The following LDB2 variants were observed in gnomAD, a reference collection of about 807,000 sequenced individuals.
LDB2 encodes LIM domain binding 2.
A neutral mutation model predicts 44.3 loss-of-function variants in LDB2; 12 were observed. The observed-to-expected ratio is 0.27, with a 90% CI of 0.17 to 0.44. The LOEUF is 0.44. Among genes scored for constraint, LDB2 ranks in the 20% least tolerant of loss-of-function variants. The pLI is 1.00. For synonymous variants in LDB2, 164 were observed against 174.8 expected (o/e 0.94, Z 0.49); for missense variants, 344 against 473.5 (o/e 0.73, Z 2.54).
At chr4:16,754,747 G>A (rs284209) in intron 2 of LDB2, among the ~76,000 whole-genome samples, 112,004 of 151,976 alleles carry the variant, frequency 0.74, 44,023 homozygotes, top group South Asian at 0.9. Flanking sequence ...GGTCAGGCTG[G>A]TCTTGGACTC....
At chr4:16,702,146 A>G (rs1054768732) in intron 2 of LDB2, among the ~76,000 whole-genome samples, 1 of 152,208 alleles carries the variant, frequency 6.6e-6, no homozygotes, top group Non-Finnish European at 1.5e-5. Flanking sequence ...TGAAACAAAG[A>G]CCAAAGTTCC....
chr4:16,649,469 T>C (rs1043317990), intron 2 of LDB2, among the ~76,000 whole-genome samples: 28 of 152,214 alleles, frequency 1.8e-4, no homozygotes, highest in African/African-American at 6.3e-4. Flanking sequence ...CAAAGCAGCA[T>C]AGCCATTACA....
intron 2 of LDB2, among the ~76,000 whole-genome samples, chr4:16,756,658 A>T (rs1016479169): frequency 1.3e-5 from 2 of 152,158 alleles, no homozygotes; most frequent in Non-Finnish European, 2.9e-5. Flanking sequence ...ACAAATATTT[A>T]TTGAGCTACC....
At chr4:16,559,968 T>C (rs1332606220) in intron 5 of LDB2, among the ~76,000 whole-genome samples, 1 of 152,188 alleles carries the variant, frequency 6.6e-6, no homozygotes, top group Non-Finnish European at 1.5e-5. Context: ...GAATGACTAC[T>C]GGGTACATAA....
intron 1 of LDB2, among the ~76,000 whole-genome samples, chr4:16,868,947 T>C (rs1715611548): frequency 6.6e-6 from 1 of 152,068 alleles, no homozygotes; most frequent in Non-Finnish European, 1.5e-5. Flanking sequence ...ATGATGCCGG[T>C]GATGAGAATG....
chr4:16,794,582 A>G (rs1776371149), intron 1 of LDB2, among the ~76,000 whole-genome samples: 1 of 152,136 alleles, frequency 6.6e-6, no homozygotes, highest in African/African-American at 2.4e-5. Flanking sequence ...CTGTACCTCA[A>G]TCTCTTCATT....
chr4:16,850,377 A>T (rs2110178107), intron 1 of LDB2, among the ~76,000 whole-genome samples: 1 of 152,310 alleles, frequency 6.6e-6, no homozygotes, highest in Middle Eastern at 3.4e-3. Flanking sequence ...TGCAAAAAAA[A>T]AATTTGATGG....
intron 1 of LDB2, among the ~76,000 whole-genome samples, chr4:16,782,498 G>A (rs1773507013): frequency 6.6e-6 from 1 of 151,976 alleles, no homozygotes; most frequent in African/African-American, 2.4e-5. Context: ...TTACAGGTGT[G>A]TGCCACCACA....
At chr4:16,737,552 A>G (rs1194790399) in intron 2 of LDB2, among the ~76,000 whole-genome samples, 1 of 152,238 alleles carries the variant, frequency 6.6e-6, no homozygotes. Context: ...ATAATATTCA[A>G]TGACAGGAAG....
At chr4:16,790,914 T>TCCAG (rs61128315) in intron 1 of LDB2, among the ~76,000 whole-genome samples, 118,066 of 151,740 alleles carry the variant, frequency 0.78, 48,017 homozygotes, top group South Asian at 0.92. Context: ...CAGTAGGCAA[T>TCCAG]CCAGGACTTA....
intron 2 of LDB2, among the ~76,000 whole-genome samples, chr4:16,601,813 A>G (rs1013759527): frequency 6.6e-6 from 1 of 152,174 alleles, no homozygotes; most frequent in Non-Finnish European, 1.5e-5. Context: ...GAAATCAGTA[A>G]ATGCATTATG....
At position 16,682,408 on chromosome 4, in the gene LDB2, A is replaced by G. The variant is rs1174578106; in HGVS notation, c.235+76750T>C. 3.3e-4 allele frequency among the ~76,000 whole-genome samples: 51 copies of G among 152,254 alleles called. 1 individual carries two copies. The highest frequency in any genetic ancestry group is 3.2e-3 in the Admixed American group (49 of 15,288). On this transcript the variant is annotated intron_variant, in intron 2 of 7. Transcript: ENST00000304523. Reference sequence around the variant, plus strand: ...CAGCTGGCTCCTCCCTCATTTACCAACTGAACGCTCTGCCTCCTCACAGCC... The same window carrying G: ...CAGCTGGCTCCTCCCTCATTTACCAGCTGAACGCTCTGCCTCCTCACAGCC...
chr4:16,673,603 C>A (rs560426624), intron 2 of LDB2, among the ~76,000 whole-genome samples: 1 of 152,130 alleles, frequency 6.6e-6, no homozygotes, highest in African/African-American at 2.4e-5. Flanking sequence ...TAGGAGAGCA[C>A]CCTTCTCCAT....
chr4:16,752,142 A>T (rs1185151189), intron 2 of LDB2, among the ~76,000 whole-genome samples: 1 of 152,166 alleles, frequency 6.6e-6, no homozygotes, highest in East Asian at 1.9e-4. Flanking sequence ...CCATAATTAA[A>T]CATGAAGGAC....
chr4:16,875,661 A>T (rs1718146730), intron 1 of LDB2, among the ~76,000 whole-genome samples: 1 of 152,202 alleles, frequency 6.6e-6, no homozygotes, highest in Non-Finnish European at 1.5e-5. Context: ...CATGACGGTT[A>T]TTCTCAGCAA....
rs144048640 is a variant in LDB2, at chr4:16,725,632, A to G, written c.235+33526T>C. On this transcript the variant is annotated intron_variant, in intron 2 of 7. Transcript: ENST00000304523. ...GGATGCCAAATACGTACCACTAACC[A>G]ATCACATTGCATGCCTGCTCCTACT... Among the ~76,000 whole-genome samples, 1,484 of 152,094 alleles carry G rather than the reference A, an allele frequency of 9.8e-3. 31 individuals are homozygous for G. Among genetic ancestry groups the G allele is most frequent in the African/African-American group, 0.034 (1,412 of 41,482 alleles).
chr4:16,837,653 C>T (rs544481533), intron 1 of LDB2, among the ~76,000 whole-genome samples: 1 of 152,340 alleles, frequency 6.6e-6, no homozygotes, highest in South Asian at 2.1e-4. Context: ...CACTAACTGC[C>T]AAACATGTGC....
chr4:16,724,840 G>A (rs1335524050), intron 2 of LDB2, among the ~76,000 whole-genome samples: 1 of 152,190 alleles, frequency 6.6e-6, no homozygotes, highest in Non-Finnish European at 1.5e-5. Context: ...AGGAGGAAGA[G>A]TGCTTAGGAG....
chr4:16,628,902 A>C (rs753003935), intron 2 of LDB2, among the ~76,000 whole-genome samples: 1 of 152,144 alleles, frequency 6.6e-6, no homozygotes, highest in African/African-American at 2.4e-5. Context: ...TTCTGCCCAA[A>C]TACTGCACTT....
Sources: allele counts gnomAD v4.1 joint callset (sites outside exome capture counted in the v4.1 genomes callset), GRCh38; gene constraint gnomAD v4.1.1; transcripts MANE v1.5; gene names NCBI Gene and HGNC (gene_info 2026-07-23, HGNC 2026-07-21).